Variants in FNIP1 observed in about 807,000 individuals in gnomAD.
FNIP1 encodes folliculin-interacting protein 1.
A neutral mutation model predicts 124.5 loss-of-function variants in FNIP1; 40 were observed. The observed-to-expected ratio is 0.32, with a 90% CI of 0.25 to 0.42. The LOEUF (loss-of-function observed/expected upper bound fraction) is 0.42, where lower values mean the gene tolerates loss of function less well. FNIP1 is among the 10% of genes least tolerant of loss of function. The pLI is 1.00. For synonymous variants in FNIP1, 472 were observed against 470.6 expected, an observed-to-expected ratio of 1.00 and a Z score of -0.04; for missense variants, 1,176 against 1,403.7, an observed-to-expected ratio of 0.84 and a Z score of 2.59.
intron 15 of FNIP1, among the ~76,000 whole-genome samples, chr5:131,658,907 CAAAAAAAA>C (rs70974003): frequency 3.5e-3 from 146 of 41,158 alleles, no homozygotes; most frequent in South Asian, 0.011. Context: ...TGGGTCTAGC[CAAAAAAAA>C]AAAAAAAAAA....
intron 10 of FNIP1, among the ~76,000 whole-genome samples, chr5:131,702,453 G>C (rs1050671995): frequency 2.6e-5 from 4 of 152,058 alleles, no homozygotes; most frequent in Non-Finnish European, 5.9e-5. Flanking sequence ...TCCCTACCAA[G>C]TAAAAGCACA....
intron 3 of FNIP1, among the ~76,000 whole-genome samples, chr5:131,720,860 A>G (rs563411545): frequency 6.6e-6 from 1 of 152,338 alleles, no homozygotes; most frequent in East Asian, 1.9e-4. Context: ...GGAAAACTGG[A>G]GCCCTTGCAC....
At chr5:131,731,663 C>A (rs1010408913) in intron 2 of FNIP1, among the ~76,000 whole-genome samples, 1 of 150,740 alleles carries the variant, frequency 6.6e-6, no homozygotes. Context: ...CAAAAAAAAA[C>A]CCAAACAAAC....
At chr5:131,765,897 CT>C (rs895310684) in intron 1 of FNIP1, among the ~76,000 whole-genome samples, 8 of 152,134 alleles carry the variant, frequency 5.3e-5, no homozygotes, top group Non-Finnish European at 8.8e-5. Context: ...CTCCATCTCC[CT>C]TTTCATTGTA....
chr5:131,746,201 C>G (rs1770672302), intron 1 of FNIP1, among the ~76,000 whole-genome samples: 1 of 152,202 alleles, frequency 6.6e-6, no homozygotes, highest in Non-Finnish European at 1.5e-5. Context: ...AATGACAGGA[C>G]AGCTGCTAAG....
At chr5:131,709,180 A>T in intron 8 of FNIP1, 21 bp downstream of exon 8, 1 of 1,604,612 alleles carries the variant, frequency 6.2e-7, no homozygotes, top group South Asian at 1.1e-5. Context: ...TAAAAAACTG[A>T]ATACAAGAAC....
intron 6 of FNIP1, among the ~76,000 whole-genome samples, chr5:131,712,487 T>C (rs567636908): frequency 5.1e-4 from 78 of 152,306 alleles, no homozygotes; most frequent in South Asian, 1.5e-3. Flanking sequence ...AGGATTTTCT[T>C]GATACACTTC....
chr5:131,682,375 C>T (rs1011471499), intron 11 of FNIP1, among the ~76,000 whole-genome samples: 3 of 152,084 alleles, frequency 2.0e-5, no homozygotes, highest in South Asian at 2.1e-4. Flanking sequence ...AAATTAATTA[C>T]GCAACAGTGC....
intron 7 of FNIP1, 79 bp from the exon 8 acceptor site, chr5:131,709,351 C>T (rs901577020): frequency 1.3e-5 from 15 of 1,189,188 alleles, no homozygotes; most frequent in Admixed American, 3.5e-5. Context: ...AAATAGCAAA[C>T]GAAATCATGC....
chr5:131,662,727 T>G (rs2149510575), intron 15 of FNIP1, among the ~76,000 whole-genome samples: 1 of 147,458 alleles, frequency 6.8e-6, no homozygotes, highest in South Asian at 2.1e-4. Context: ...TTTGGAGATA[T>G]TCTAGATTTT....
At chr5:131,711,932 C>G (rs1326401435) in intron 6 of FNIP1, among the ~76,000 whole-genome samples, 2 of 152,202 alleles carry the variant, frequency 1.3e-5, no homozygotes, top group Non-Finnish European at 2.9e-5. Flanking sequence ...TCCCTCGTTA[C>G]TTTAAAAATT....
chr5:131,682,804 A>G (rs947018114), intron 11 of FNIP1, among the ~76,000 whole-genome samples: 3 of 152,142 alleles, frequency 2.0e-5, no homozygotes, highest in South Asian at 2.1e-4. Context: ...ATTCAATGGT[A>G]AGAAAAGCAA....
intron 1 of FNIP1, among the ~76,000 whole-genome samples, chr5:131,757,912 T>C (rs1771100805): frequency 6.6e-6 from 1 of 152,102 alleles, no homozygotes; most frequent in Admixed American, 6.5e-5. Context: ...CCTAGAGTCA[T>C]AAACAAAAAA....
chr5:131,673,584 GC>G (rs2149515693), intron 13 of FNIP1, among the ~76,000 whole-genome samples: 1 of 152,256 alleles, frequency 6.6e-6, no homozygotes, highest in African/African-American at 2.4e-5. Context: ...GAGAAGTACT[GC>G]CTGAAGTACT....
At chr5:131,676,199 A>G (rs2149516780) in intron 13 of FNIP1, among the ~76,000 whole-genome samples, 1 of 152,116 alleles carries the variant, frequency 6.6e-6, no homozygotes, top group African/African-American at 2.4e-5. Context: ...CTTCTAGTAG[A>G]GATGCGATTT....
chr5:131,726,271 A>T (rs1276523548), intron 3 of FNIP1, among the ~76,000 whole-genome samples: 1 of 152,184 alleles, frequency 6.6e-6, no homozygotes, highest in African/African-American at 2.4e-5. Context: ...AAGGAATGGC[A>T]CCAGCTCCTC....
At chr5:131,722,026 G>GA (rs1364484182) in intron 3 of FNIP1, among the ~76,000 whole-genome samples, 2 of 152,034 alleles carry the variant, frequency 1.3e-5, no homozygotes, top group African/African-American at 2.4e-5. Flanking sequence ...GTGCACAAAT[G>GA]AAAAAAATTT....
intron 1 of FNIP1, among the ~76,000 whole-genome samples, chr5:131,745,004 T>C (rs1770629394): frequency 1.3e-5 from 2 of 151,884 alleles, no homozygotes; most frequent in Non-Finnish European, 2.9e-5. Context: ...AATGAAAATA[T>C]GTACTGATTT....
intron 1 of FNIP1, chr5:131,796,450 G>A (rs1772595705): frequency 4.4e-6 from 1 of 227,810 alleles, no homozygotes; most frequent in Non-Finnish European, 8.7e-6. Context: ...GAACTTCGCG[G>A]CCCGGAGTAC....
Sources: gnomAD v4.1 joint callset for allele counts (sites outside exome capture counted in the v4.1 genomes callset) on GRCh38, gnomAD v4.1.1 for gene constraint, MANE v1.5 for transcripts, NCBI Gene and HGNC (gene_info 2026-07-23, HGNC 2026-07-21) for gene names.